The following DOK6 variants were observed in gnomAD, a reference collection of about 807,000 sequenced individuals.
DOK6 encodes downstream of tyrosine kinase 6.
Under a neutral mutation model 44.0 loss-of-function variants are expected in DOK6, and 22 were observed. The ratio of observed to expected loss-of-function variants is 0.50; its 90% CI spans 0.36 to 0.71. The LOEUF is 0.71. Among genes scored for constraint, DOK6 ranks in the 30% least tolerant of loss-of-function variants. The probability of loss-of-function intolerance (pLI) is 0.00; values close to 1 mark genes in which losing one functional copy is unlikely to be tolerated. For missense variants in DOK6, 340 were observed against 416.4 expected (o/e 0.82, Z 1.60); for synonymous variants, 166 against 145.5 (o/e 1.14, Z -1.01).
chr18:69,689,864 A>G (rs1986227615), intron 4 of DOK6, among the ~76,000 whole-genome samples: 1 of 152,146 alleles, frequency 6.6e-6, no homozygotes, highest in Non-Finnish European at 1.5e-5. Flanking sequence ...AAATTATAGC[A>G]CAGCTATATA....
intron 5 of DOK6, among the ~76,000 whole-genome samples, chr18:69,703,732 G>A (rs1234013954): frequency 2.0e-5 from 3 of 152,142 alleles, no homozygotes; most frequent in Non-Finnish European, 4.4e-5. Context: ...GGGGAAGAAG[G>A]TGGGAACATT....
intron 1 of DOK6, among the ~76,000 whole-genome samples, chr18:69,523,428 T>TA (rs1417004583): frequency 6.6e-6 from 1 of 152,058 alleles, no homozygotes; most frequent in Non-Finnish European, 1.5e-5. Context: ...ACAATAGCTA[T>TA]AACATATACT....
intron 1 of DOK6, among the ~76,000 whole-genome samples, chr18:69,503,351 A>G (rs142393508): frequency 2.0e-3 from 302 of 152,254 alleles, no homozygotes; most frequent in African/African-American, 6.7e-3. Context: ...TTTTCAACAC[A>G]GAAGCTGTTG....
chr18:69,754,887 G>T (rs1339515379), intron 6 of DOK6, among the ~76,000 whole-genome samples: 1 of 152,170 alleles, frequency 6.6e-6, no homozygotes, highest in Non-Finnish European at 1.5e-5. Context: ...GGGGAACACA[G>T]TTCAGTCTAC....
intron 7 of DOK6, among the ~76,000 whole-genome samples, chr18:69,826,327 C>G (rs779542280): frequency 3.3e-5 from 5 of 152,082 alleles, no homozygotes; most frequent in Non-Finnish European, 5.9e-5. Context: ...AGAACATGGA[C>G]CAGAATATTG....
intron 1 of DOK6, among the ~76,000 whole-genome samples, chr18:69,526,959 G>A (rs556208933): frequency 1.4e-4 from 22 of 152,136 alleles, no homozygotes; most frequent in Non-Finnish European, 2.4e-4. Flanking sequence ...TGGATCATTC[G>A]ATCCCCTTCC....
intron 3 of DOK6, among the ~76,000 whole-genome samples, chr18:69,621,638 C>T (rs776941881): frequency 6.6e-6 from 1 of 152,054 alleles, no homozygotes. Context: ...ATGGGATTCA[C>T]AATGGTTGGT....
chr18:69,835,082 C>T (rs903653050), intron 7 of DOK6, among the ~76,000 whole-genome samples: 3 of 152,178 alleles, frequency 2.0e-5, no homozygotes, highest in African/African-American at 4.8e-5. Context: ...ATCCAGTCAC[C>T]TCCCGTCAAG....
intron 1 of DOK6, among the ~76,000 whole-genome samples, chr18:69,440,015 G>A (rs1434971051): frequency 6.6e-6 from 1 of 152,134 alleles, no homozygotes; most frequent in Non-Finnish European, 1.5e-5. Context: ...TGATTTTGAA[G>A]CAAGAGATGT....
At chr18:69,748,795 C>G (rs998159840) in intron 6 of DOK6, among the ~76,000 whole-genome samples, 3 of 152,106 alleles carry the variant, frequency 2.0e-5, no homozygotes, top group African/African-American at 4.8e-5. Flanking sequence ...ACCAGTCATC[C>G]TATTACTGGA....
rs1469674675 is a variant in DOK6 at position 69,738,976 on chromosome 18, C to T, written c.611C>T (p.Thr204Ile). The stretch of plus-strand genomic sequence containing the variant: ...CTCTATTCTCACAGAATGTGTGACA[C>T]AGGAGAAGGACTATTCACTTTTCAA... ...FTFESGRMCD[T>I]GEGLFTFQTR... Residue 204 changes from threonine (T) to isoleucine (I), a missense_variant, in exon 6 of 8, where the codon ACA (threonine) becomes ATA (isoleucine). Thr to Ile is a moderately conservative substitution (Grantham distance 89). Transcript: ENST00000382713. 1 of 1,613,888 alleles carries T rather than the reference C, an allele frequency of 6.2e-7. No homozygotes were observed. The highest frequency in any genetic ancestry group is 8.5e-7 in the Non-Finnish European group (1 of 1,179,838).
chr18:69,610,349 C>T (rs1984109144), intron 3 of DOK6, among the ~76,000 whole-genome samples: 1 of 152,028 alleles, frequency 6.6e-6, no homozygotes, highest in Non-Finnish European at 1.5e-5. Flanking sequence ...TATGAACCTC[C>T]TTGGGAATAT....
chr18:69,834,172 T>G (rs1272933206), intron 7 of DOK6, among the ~76,000 whole-genome samples: 1 of 152,346 alleles, frequency 6.6e-6, no homozygotes, highest in East Asian at 1.9e-4. Context: ...GTGGTACATA[T>G]ACACAATGCA....
intron 7 of DOK6, among the ~76,000 whole-genome samples, chr18:69,761,292 T>C (rs1979544203): frequency 6.6e-6 from 1 of 151,622 alleles, no homozygotes; most frequent in Non-Finnish European, 1.5e-5. Context: ...TTTCAGGTGT[T>C]TTCTATCTAT....
chr18:69,551,879 T>G (rs975663114), intron 1 of DOK6, among the ~76,000 whole-genome samples: 1 of 152,224 alleles, frequency 6.6e-6, no homozygotes, highest in East Asian at 1.9e-4. Flanking sequence ...ATTAATGTTC[T>G]TACGTTTAGA....
chr18:69,729,615 G>A (rs892698774), intron 5 of DOK6, among the ~76,000 whole-genome samples: 1 of 152,020 alleles, frequency 6.6e-6, no homozygotes, highest in Non-Finnish European at 1.5e-5. Flanking sequence ...ATGAGGATTC[G>A]GAGCAACTCT....
At chr18:69,759,276 A>G (rs901120000) in intron 7 of DOK6, among the ~76,000 whole-genome samples, 1 of 152,222 alleles carries the variant, frequency 6.6e-6, no homozygotes, top group African/African-American at 2.4e-5. Flanking sequence ...TGCCTGAGTC[A>G]TGATCATGCA....
At chr18:69,587,750 T>A (rs1383370747) in intron 2 of DOK6, among the ~76,000 whole-genome samples, 1 of 133,270 alleles carries the variant, frequency 7.5e-6, no homozygotes, top group Non-Finnish European at 1.6e-5. Context: ...CAGTGGAGCA[T>A]GTTATTAGAT....
At chr18:69,495,606 C>T (rs1325263713) in intron 1 of DOK6, among the ~76,000 whole-genome samples, 3 of 152,132 alleles carry the variant, frequency 2.0e-5, no homozygotes, top group African/African-American at 7.2e-5. Context: ...AGAAAAGGCA[C>T]CACAAGTTCC....
Sources: allele counts gnomAD v4.1 joint callset (sites outside exome capture counted in the v4.1 genomes callset), GRCh38; gene constraint gnomAD v4.1.1; transcripts MANE v1.5; gene names NCBI Gene and HGNC (gene_info 2026-07-23, HGNC 2026-07-21).